The following BIRC6 variants were observed in gnomAD, a reference collection of about 807,000 sequenced individuals.
The protein encoded by BIRC6 is dual E2 ubiquitin-conjugating enzyme/E3 ubiquitin-protein ligase BIRC6.
In BIRC6, 98 loss-of-function variants were observed where a neutral mutation model predicts 503.3. The ratio of observed to expected loss-of-function variants is 0.19; its 90% CI spans 0.17 to 0.23. BIRC6 has a LOEUF of 0.23. BIRC6 is among the 10% of genes least tolerant of loss of function. BIRC6 has a pLI of 1.00. For missense variants in BIRC6, 5,360 were observed against 5,806.0 expected, an observed-to-expected ratio of 0.92 and a Z score of 2.50; for synonymous variants, 2,240 against 2,078.7, an observed-to-expected ratio of 1.08 and a Z score of -2.11.
At chr2:32,614,982 T>G (rs2063140827) in intron 73 of BIRC6, among the ~76,000 whole-genome samples, 1 of 152,204 alleles carries the variant, frequency 6.6e-6, no homozygotes, top group Non-Finnish European at 1.5e-5. Context: ...CCCATGGTTC[T>G]GTAGGCTGTA....
chr2:32,553,719 A>G (rs577641188), intron 65 of BIRC6, among the ~76,000 whole-genome samples: 1 of 152,288 alleles, frequency 6.6e-6, no homozygotes, highest in South Asian at 2.1e-4. Flanking sequence ...TTTAAAAAAA[A>G]GCGTTTGGTG....
intron 66 of BIRC6, among the ~76,000 whole-genome samples, chr2:32,579,877 T>C (rs2060547987): frequency 6.6e-6 from 1 of 152,014 alleles, no homozygotes. Flanking sequence ...TTTTTTAATG[T>C]CTGTGGGCAC....
chr2:32,527,145 G>A (rs887882905), intron 59 of BIRC6: 3 of 152,182 alleles, frequency 2.0e-5, no homozygotes, highest in African/African-American at 7.2e-5. Flanking sequence ...TTTCACACTT[G>A]TTGTTTTCAA....
chr2:32,391,876 A>C (rs902999260), intron 4 of BIRC6, among the ~76,000 whole-genome samples, 163 bp from the exon 5 acceptor site: 3 of 152,240 alleles, frequency 2.0e-5, no homozygotes, highest in East Asian at 1.9e-4. Context: ...GGAAATTCCC[A>C]AAAATTACCG....
At chr2:32,608,111 T>A (rs2062595627) in intron 72 of BIRC6, among the ~76,000 whole-genome samples, 1 of 148,572 alleles carries the variant, frequency 6.7e-6, no homozygotes, top group Non-Finnish European at 1.5e-5. Context: ...GTCTGGACAA[T>A]ATAGCAAGAC....
rs964834242 is a variant in BIRC6, at chr2:32,618,748, A to T, written c.*844A>T. 6.6e-6 allele frequency: 1 copy of T among 152,504 alleles called. No homozygotes were observed. Among genetic ancestry groups the T allele is most frequent in the Non-Finnish European group, 1.5e-5 (1 of 68,036 alleles). The allele number at this position is 152,504 out of a possible 1,614,324, so 9.4% of individuals were successfully genotyped here. The stretch of plus-strand genomic sequence containing the variant: ...ATGACTAAAGTCACATGTATGTATT[A>T]AACATTGAGGCTCTGTAGAGGAGAG... On this transcript the variant is annotated 3_prime_UTR_variant, in exon 74 of 74. Transcript: ENST00000421745.
rs1413897413 is a variant in BIRC6 at position 32,508,179 on chromosome 2, G to T, written c.9900G>T (p.Gly3300=). ...TLGLSQIKLL[G]LTAFGTTSSA... is the part of the protein sequence containing the mutation. ...GCCTTTCACAAATTAAATTATTGGG[G>T]CTCACTGCTTTTGGTACCACCTCTT... The change falls in exon 51 of 74, where the codon GGG becomes GGT. Residue 3300 remains glycine, a synonymous_variant. Coordinates refer to ENST00000421745, the MANE Select transcript of BIRC6 (RefSeq NM_016252.4). 1.5e-5 allele frequency: 25 copies of T among 1,612,928 alleles called. No individual in the cohort carries two copies. The Admixed American group carries it at 2.2e-4, about 14-fold the overall frequency.
At chr2:32,563,214 A>G (rs1573030436) in intron 65 of BIRC6, 1 of 152,320 alleles carries the variant, frequency 6.6e-6, no homozygotes, top group African/African-American at 2.4e-5. Flanking sequence ...TATGTGCACT[A>G]CTTTGCTAAA....
chr2:32,534,189 C>T (rs1215580278), intron 61 of BIRC6, among the ~76,000 whole-genome samples: 1 of 151,466 alleles, frequency 6.6e-6, no homozygotes, highest in Non-Finnish European at 1.5e-5. Context: ...GCCTGGCCAA[C>T]ATGGTGAAAC....
At chr2:32,526,839 TACG>T (rs1297632563) in intron 59 of BIRC6, 1 of 152,492 alleles carries the variant, frequency 6.6e-6, no homozygotes, top group Non-Finnish European at 1.5e-5. Flanking sequence ...TAAGAGAAGA[TACG>T]ACATTACATT....
At chr2:32,381,283 A>G (rs2037602522) in intron 3 of BIRC6, among the ~76,000 whole-genome samples, 1 of 151,938 alleles carries the variant, frequency 6.6e-6, no homozygotes, top group Non-Finnish European at 1.5e-5. Context: ...CTTGTTTCCC[A>G]GGCTGCAGCG....
Position 32,505,132 on chromosome 2 carries a change from C to T in BIRC6, c.9627C>T (p.Asp3209=), listed in dbSNP as rs780367782. ...YIFLPEEAWC[D]LTIHLPAAVL... is the part of the protein sequence containing the mutation. ...TTCTTCCAGAGGAGGCTTGGTGTGA[C>T]CTTACCATTCACCTTCCTGCAGCAG... The change falls in exon 50 of 74, where the codon GAC becomes GAT. Residue 3209 remains aspartate, a synonymous_variant. Coordinates refer to ENST00000421745, the MANE Select transcript of BIRC6 (RefSeq NM_016252.4). The T allele has an allele frequency of 6.2e-7, 1 of 1,604,876 alleles. No individual in the cohort carries two copies. The highest frequency in any genetic ancestry group is 8.5e-7 in the Non-Finnish European group (1 of 1,175,456).
intron 9 of BIRC6, among the ~76,000 whole-genome samples, 187 bp downstream of exon 9, chr2:32,406,744 T>G (rs1420835468): frequency 6.6e-6 from 1 of 152,224 alleles, no homozygotes; most frequent in Non-Finnish European, 1.5e-5. Flanking sequence ...TGTTCCATAT[T>G]TAAAATTTAA....
chr2:32,547,780 C>G, intron 63 of BIRC6, 70 bp from the exon 64 acceptor site: 1 of 1,301,562 alleles, frequency 7.7e-7, no homozygotes, highest in Admixed American at 3.1e-5. Flanking sequence ...TTTTACTTTC[C>G]CAGTGATAAA....
intron 55 of BIRC6, among the ~76,000 whole-genome samples, chr2:32,516,114 C>T (rs555589422): frequency 6.6e-6 from 1 of 152,220 alleles, no homozygotes; most frequent in African/African-American, 2.4e-5. Context: ...TGCCTTGAGG[C>T]ATTGTGTTTT....
At chr2:32,483,402 A>G (rs2050638827) in intron 39 of BIRC6, among the ~76,000 whole-genome samples, 1 of 152,204 alleles carries the variant, frequency 6.6e-6, no homozygotes, top group African/African-American at 2.4e-5. Context: ...GAACCATTTG[A>G]GAGTACGTTG....
rs183880516 is a variant in BIRC6 at position 32,441,337 on chromosome 2, A to T, written c.3819A>T (p.Ser1273=). Residue 1273 remains serine, a synonymous_variant, in exon 17 of 74, where the codon TCA becomes TCT. Coordinates refer to ENST00000421745, the MANE Select transcript of BIRC6 (RefSeq NM_016252.4). ...TTATTTGTAATGTTTAGGAAAAATCATCTAATGTTAAGAATGAAAATACAA... is the reference window on the plus strand; with the variant it reads ...TTATTTGTAATGTTTAGGAAAAATCTTCTAATGTTAAGAATGAAAATACAA... ...LAKVAAGKEK[S]SNVKNENTSG... 2 of 1,568,046 alleles carry T rather than the reference A, an allele frequency of 1.3e-6. No homozygotes were observed. The highest frequency in any genetic ancestry group is 2.2e-5 in the East Asian group (1 of 44,464).
At chr2:32,479,658 G>T in intron 37 of BIRC6, 41 bp downstream of exon 37, 1 of 1,423,994 alleles carries the variant, frequency 7.0e-7, no homozygotes, top group Non-Finnish European at 9.5e-7. Context: ...TCTATTAAAT[G>T]GAAACATGTT....
chr2:32,599,729 A>G lies in BIRC6; in HGVS notation c.13831-10A>G. ...TTAACATAGACTTTTGTATGTTTAT[A>G]TATATCCAGGTTCTAATAACTGGTC... On this transcript the variant is annotated splice_polypyrimidine_tract_variant and intron_variant, in intron 69 of 73. Coordinates refer to ENST00000421745, the MANE Select transcript of BIRC6 (RefSeq NM_016252.4). The G allele has an allele frequency of 1.2e-6, 2 of 1,610,024 alleles. No individual in the cohort carries two copies. The highest frequency in any genetic ancestry group is 1.1e-5 in the South Asian group (1 of 90,906).
Sources: allele counts gnomAD v4.1 joint callset (sites outside exome capture counted in the v4.1 genomes callset), GRCh38; gene constraint gnomAD v4.1.1; transcripts MANE v1.5; gene names NCBI Gene and HGNC (gene_info 2026-07-23, HGNC 2026-07-21).